SLC16A9: variants seen among roughly 807,000 people sequenced by gnomAD.
SLC16A9 encodes the protein solute carrier family 16 member 9.
SLC16A9 carries 26 observed loss-of-function variants against 44.3 expected under a neutral mutation model. The ratio of observed to expected loss-of-function variants is 0.59; its 90% CI spans 0.43 to 0.81. The LOEUF (loss-of-function observed/expected upper bound fraction) is 0.81, where lower values mean the gene tolerates loss of function less well. Among genes scored for constraint, SLC16A9 ranks in the 40% least tolerant of loss-of-function variants. The pLI, the probability that SLC16A9 is intolerant of heterozygous loss-of-function variation, is 0.00. For synonymous variants in SLC16A9, 230 were observed against 225.1 expected (o/e 1.02, Z -0.19); for missense variants, 559 against 595.8 (o/e 0.94, Z 0.64).
At chr10:59,707,321 A>G (rs1327515169) in intron 1 of SLC16A9, among the ~76,000 whole-genome samples, 12 of 81,288 alleles carry the variant, frequency 1.5e-4, no homozygotes, top group East Asian at 5.7e-4. Flanking sequence ...AGGGAAGGGA[A>G]GGGAAGGGAA....
intron 1 of SLC16A9, among the ~76,000 whole-genome samples, chr10:59,697,596 G>C (rs1840424475): frequency 6.7e-6 from 1 of 149,008 alleles, no homozygotes; most frequent in African/African-American, 2.4e-5. Context: ...CAAACACTGC[G>C]GAAGGCCGCA....
intron 3 of SLC16A9, among the ~76,000 whole-genome samples, chr10:59,672,107 C>T (rs1839763593): frequency 6.6e-6 from 1 of 152,034 alleles, no homozygotes; most frequent in African/African-American, 2.4e-5. Context: ...CCTAGAAATA[C>T]CAAGTTTGGT....
chr10:59,654,631 C>A, intron 4 of SLC16A9, 42 bp from the exon 5 acceptor site: 1 of 1,460,094 alleles, frequency 6.8e-7, no homozygotes. Flanking sequence ...TAATCTGAGG[C>A]TCTCAGGATT....
Position 59,694,801 on chromosome 10 carries a change from A to AATATATATATATATATAT in SLC16A9, c.-36-10475_-36-10474insATATATATATATATATAT, listed in dbSNP as rs1554874045. On this transcript the variant is annotated intron_variant, in intron 1 of 5. Transcript: ENST00000395348. ...GGTAACAGAGCGAGACTCCATCTCA[A>AATATATATATATATATAT]ATATATATATATATATACACACACA... Among the ~76,000 whole-genome samples, 166 of 72,448 alleles carry AATATATATATATATATAT rather than the reference A, an allele frequency of 2.3e-3. 6 individuals carry two copies. The highest frequency in any genetic ancestry group is 8.9e-3 in the Middle Eastern group (1 of 112). 47.5% of individuals were successfully genotyped at this position (72,448 alleles called of 152,430 possible).
chr10:59,685,677 C>T lies in SLC16A9; in HGVS notation c.-36-1350G>A, dbSNP rs142086671. Among the ~76,000 whole-genome samples the T allele has an allele frequency of 6.6e-5, 10 of 152,254 alleles. No individual in the cohort carries two copies. In the East Asian group the frequency reaches 1.9e-3, roughly 29 times the overall value. ...TGTGGCTTTAATGGAAAACAATGTG[C>T]AGTGAAAAACCTTACATATTCATAT... On this transcript the variant is annotated intron_variant, in intron 1 of 5. Coordinates refer to ENST00000395348, the MANE Select transcript of SLC16A9 (RefSeq NM_194298.3).
At chr10:59,657,001 C>T (rs370479084) in intron 4 of SLC16A9, among the ~76,000 whole-genome samples, 1 of 152,086 alleles carries the variant, frequency 6.6e-6, no homozygotes, top group African/African-American at 2.4e-5. Flanking sequence ...AATAACTTCC[C>T]GAAAGGATCA....
At chr10:59,658,346 A>G (rs958989372) in intron 4 of SLC16A9, among the ~76,000 whole-genome samples, 1 of 55,746 alleles carries the variant, frequency 1.8e-5, no homozygotes, top group African/African-American at 3.1e-5. Context: ...CTCTCATGGG[A>G]CTCTGTCACA....
chr10:59,653,048 G>A, intron 5 of SLC16A9, 98 bp from the exon 6 acceptor site: 1 of 826,044 alleles, frequency 1.2e-6, no homozygotes, highest in Non-Finnish European at 1.8e-6. Context: ...GTTATAATTA[G>A]TATATATATT....
chr10:59,668,472 C>T (rs1359156276), intron 3 of SLC16A9, among the ~76,000 whole-genome samples: 1 of 152,184 alleles, frequency 6.6e-6, no homozygotes, highest in African/African-American at 2.4e-5. Flanking sequence ...CCCTCTCTCC[C>T]CAGCACACAC....
chr10:59,655,693 G>T (rs1267730190), intron 4 of SLC16A9, among the ~76,000 whole-genome samples: 1 of 152,080 alleles, frequency 6.6e-6, no homozygotes, highest in Non-Finnish European at 1.5e-5. Context: ...GTTCTCATCT[G>T]GTTCTGATTT....
intron 1 of SLC16A9, among the ~76,000 whole-genome samples, chr10:59,706,311 C>T (rs1840635305): frequency 6.6e-6 from 1 of 152,136 alleles, no homozygotes; most frequent in African/African-American, 2.4e-5. Flanking sequence ...ATAAGGGTTA[C>T]TTTGGTGTCT....
intron 2 of SLC16A9, among the ~76,000 whole-genome samples, chr10:59,673,901 T>C (rs1380789328): frequency 1.3e-5 from 2 of 151,628 alleles, no homozygotes; most frequent in Non-Finnish European, 3.0e-5. Flanking sequence ...AAAGACACAA[T>C]GTAAATGAAA....
At chr10:59,678,875 C>T (rs1220213047) in intron 2 of SLC16A9, among the ~76,000 whole-genome samples, 2 of 152,094 alleles carry the variant, frequency 1.3e-5, no homozygotes, top group African/African-American at 4.8e-5. Context: ...ACACTGGGAA[C>T]CTGCCAATGC....
chr10:59,677,761 A>G (rs1430421426), intron 2 of SLC16A9, among the ~76,000 whole-genome samples: 4 of 152,154 alleles, frequency 2.6e-5, no homozygotes, highest in African/African-American at 9.7e-5. Context: ...CAGAAACATA[A>G]CGTGATTTTT....
intron 1 of SLC16A9, among the ~76,000 whole-genome samples, chr10:59,694,710 G>T (rs886384975): frequency 2.0e-5 from 3 of 150,206 alleles, no homozygotes; most frequent in African/African-American, 7.3e-5. Flanking sequence ...TGAGACAGGA[G>T]AATCGCTTAA....
chr10:59,679,310 A>G (rs769092823), intron 2 of SLC16A9, among the ~76,000 whole-genome samples: 4 of 152,310 alleles, frequency 2.6e-5, no homozygotes, highest in Non-Finnish European at 5.9e-5. Context: ...CATTCTTCCC[A>G]TATCAGTCAA....
Position 59,684,255 on chromosome 10 carries a change from A to C in SLC16A9, c.37T>G (p.Trp13Gly). Residue 13 changes from tryptophan (W) to glycine (G), a missense_variant, in exon 2 of 6, where the codon TGG becomes GGG. Coordinates refer to ENST00000395348, the MANE Select transcript of SLC16A9 (RefSeq NM_194298.3). ...AGGAAGGAGACAAACACAATCACCC[A>C]GCCCCATCCACCGTCAGGCGACTTT... ...LKKSPDGGWG[W>G]VIVFVSFLTQ... 1 of 1,613,820 alleles carries C rather than the reference A, an allele frequency of 6.2e-7. No homozygotes were observed. Among genetic ancestry groups the C allele is most frequent in the Non-Finnish European group, 8.5e-7 (1 of 1,179,926 alleles).
At chr10:59,702,255 C>A (rs1840540642) in intron 1 of SLC16A9, among the ~76,000 whole-genome samples, 1 of 152,214 alleles carries the variant, frequency 6.6e-6, no homozygotes, top group African/African-American at 2.4e-5. Flanking sequence ...ATCTGAAAAG[C>A]TAGCCAAATA....
At chr10:59,662,646 A>AAAAAAAAAGG (rs1839506643) in intron 4 of SLC16A9, among the ~76,000 whole-genome samples, 1 of 147,868 alleles carries the variant, frequency 6.8e-6, no homozygotes, top group African/African-American at 2.5e-5. Context: ...AAAAAAAAAA[A>AAAAAAAAAGG]AAAAAAAGAA....
Sources: gnomAD v4.1 joint callset for allele counts (sites outside exome capture counted in the v4.1 genomes callset) on GRCh38, gnomAD v4.1.1 for gene constraint, MANE v1.5 for transcripts, NCBI Gene and HGNC (gene_info 2026-07-23, HGNC 2026-07-21) for gene names.